IFT88: variants seen among roughly 807,000 people sequenced by gnomAD.
IFT88 encodes the protein intraflagellar transport 88.
IFT88 carries 74 observed loss-of-function variants against 119.5 expected under a neutral mutation model. The ratio of observed to expected loss-of-function variants is 0.62; its 90% CI spans 0.51 to 0.75. The LOEUF is 0.75. Ranked by LOEUF, IFT88 falls within the 30% of genes least tolerant of loss-of-function variation. The pLI, the probability that IFT88 is intolerant of heterozygous loss-of-function variation, is 0.00. For missense variants in IFT88, 961 were observed against 977.7 expected, an observed-to-expected ratio of 0.98 and a Z score of 0.23; for synonymous variants, 279 against 316.7, an observed-to-expected ratio of 0.88 and a Z score of 1.26.
Position 20,646,136 on chromosome 13 carries a change from C to T in IFT88, c.1949+1178C>T, listed in dbSNP as rs149302672. On this transcript the variant is annotated intron_variant, in intron 20 of 25. Coordinates refer to ENST00000351808, the MANE Select transcript of IFT88 (RefSeq NM_006531.5). ...ATGTTGATTAACAGTCAGTCCCTTA[C>T]CTTACCTAGTCTAGCTTATATTCTT... Among the ~76,000 whole-genome samples, 67 of 152,246 alleles carry T rather than the reference C, an allele frequency of 4.4e-4. No homozygotes were observed. The East Asian group carries it at 8.7e-3, about 20-fold the overall frequency.
rs763621830 is a variant in IFT88, at chr13:20,663,462, C to A, written c.2069-36C>A. ...TGAGCTTTTAACAAATATACTGTGCCTATATTCTTTCCTAAATGTATATTT... is the reference window on the plus strand; with the variant it reads ...TGAGCTTTTAACAAATATACTGTGCATATATTCTTTCCTAAATGTATATTT... On this transcript the variant is annotated intron_variant, in intron 22 of 25. Coordinates refer to ENST00000351808, the MANE Select transcript of IFT88 (RefSeq NM_006531.5). The A allele has an allele frequency of 5.0e-6, 8 of 1,601,074 alleles. No homozygotes were observed. In the Admixed American group the frequency reaches 5.0e-5, roughly 10 times the overall value.
intron 12 of IFT88, among the ~76,000 whole-genome samples, chr13:20,604,165 C>T (rs1264891255): frequency 6.6e-6 from 1 of 152,104 alleles, no homozygotes; most frequent in African/African-American, 2.4e-5. Flanking sequence ...GGCTTGAGCC[C>T]AGAAGTTGAG....
chr13:20,670,638 C>A (rs2055658990), intron 23 of IFT88, among the ~76,000 whole-genome samples: 1 of 151,170 alleles, frequency 6.6e-6, no homozygotes, highest in African/African-American at 2.4e-5. Context: ...CTCACCCATC[C>A]CTCCCTTAAA....
intron 13 of IFT88, among the ~76,000 whole-genome samples, 200 bp downstream of exon 13, chr13:20,605,305 T>G (rs1485854724): frequency 6.6e-6 from 1 of 152,244 alleles, no homozygotes; most frequent in Non-Finnish European, 1.5e-5. Context: ...TCACCATTTT[T>G]ATACTTACTG....
chr13:20,604,702 C>G (rs1259045311), intron 12 of IFT88, among the ~76,000 whole-genome samples: 1 of 152,168 alleles, frequency 6.6e-6, no homozygotes, highest in Non-Finnish European at 1.5e-5. Context: ...TGCCTATAGT[C>G]CCAATACTTT....
At chr13:20,583,832 A>G (rs2039157077) in intron 3 of IFT88, among the ~76,000 whole-genome samples, 1 of 152,162 alleles carries the variant, frequency 6.6e-6, no homozygotes, top group African/African-American at 2.4e-5. Context: ...GTCCAAATTC[A>G]TTATTTTGCA....
At chr13:20,576,088 T>C (rs2037329906) in intron 2 of IFT88, among the ~76,000 whole-genome samples, 1 of 152,264 alleles carries the variant, frequency 6.6e-6, no homozygotes, top group Admixed American at 6.5e-5. Flanking sequence ...GACATCTCGT[T>C]GTAGTTTTGA....
At chr13:20,641,474 TTAAC>T (rs2049953085) in intron 18 of IFT88, 76 bp downstream of exon 18, 4 of 846,526 alleles carry the variant, frequency 4.7e-6, no homozygotes, top group Non-Finnish European at 5.7e-6. Context: ...TTAAATAAGT[TTAAC>T]TAATGAAGTA....
intron 24 of IFT88, among the ~76,000 whole-genome samples, chr13:20,679,031 A>G (rs1185155574): frequency 6.6e-6 from 1 of 152,156 alleles, no homozygotes; most frequent in Non-Finnish European, 1.5e-5. Flanking sequence ...GGCTTGAAAT[A>G]CTTGTTTCTT....
At chr13:20,650,852 G>T (rs940610915) in intron 20 of IFT88, among the ~76,000 whole-genome samples, 3 of 152,238 alleles carry the variant, frequency 2.0e-5, no homozygotes, top group Non-Finnish European at 2.9e-5. Flanking sequence ...GAAAAAAATT[G>T]CATTTGCAAT....
chr13:20,612,440 G>A (rs2044729410), intron 13 of IFT88: 1 of 152,136 alleles, frequency 6.6e-6, no homozygotes, highest in African/African-American at 2.4e-5. Flanking sequence ...TAAATTTAAT[G>A]AAAGAAATGC....
chr13:20,660,378 A>G lies in IFT88; in HGVS notation c.2069-3120A>G, dbSNP rs376328269. Reference sequence around the variant, plus strand: ...TCACAGGCCTTAGGTCAGGGCTTCAAATTATATTTCTGGGGAGATGATGAG... The same window carrying G: ...TCACAGGCCTTAGGTCAGGGCTTCAGATTATATTTCTGGGGAGATGATGAG... On this transcript the variant is annotated intron_variant, in intron 22 of 25. Coordinates refer to ENST00000351808, the MANE Select transcript of IFT88 (RefSeq NM_006531.5). Among the ~76,000 whole-genome samples, 115 of 152,278 alleles carry G rather than the reference A, an allele frequency of 7.6e-4. 2 individuals are homozygous for G. In the South Asian group the frequency reaches 0.02, roughly 27 times the overall value.
chr13:20,665,216 C>T (rs1201942555), intron 23 of IFT88, among the ~76,000 whole-genome samples: 1 of 152,094 alleles, frequency 6.6e-6, no homozygotes, highest in African/African-American at 2.4e-5. Flanking sequence ...TGCCAGTTTT[C>T]CCCCAAAGTA....
chr13:20,647,340 C>G (rs556906327), intron 20 of IFT88, among the ~76,000 whole-genome samples: 3 of 152,104 alleles, frequency 2.0e-5, no homozygotes, highest in Non-Finnish European at 2.9e-5. Context: ...TAAGTTCTAC[C>G]TCTACAATAA....
chr13:20,577,537 A>G (rs1371144396), intron 2 of IFT88, among the ~76,000 whole-genome samples: 1 of 151,954 alleles, frequency 6.6e-6, no homozygotes, highest in Non-Finnish European at 1.5e-5. Context: ...TCTTCTATAC[A>G]CAGTTTTTTT....
At chr13:20,577,851 G>A (rs185011445) in intron 2 of IFT88, among the ~76,000 whole-genome samples, 1 of 152,116 alleles carries the variant, frequency 6.6e-6, no homozygotes, top group East Asian at 1.9e-4. Flanking sequence ...TTTGGTATCG[G>A]TAATACTGGC....
chr13:20,591,437 A>G (rs1342484668), intron 5 of IFT88, among the ~76,000 whole-genome samples, 181 bp from the exon 6 acceptor site: 2 of 152,204 alleles, frequency 1.3e-5, no homozygotes, highest in Admixed American at 1.3e-4. Context: ...AAGAATTGAA[A>G]TTGTAAAGGT....
At position 20,672,314 on chromosome 13, in the gene IFT88, G is replaced by A. The variant is rs187722869; in HGVS notation, c.2242+1275G>A. ...CCAGCGTCTCCAGCTAAACCTCATG[G>A]TGCTGGCCTGTTTATCTTCAGGAGC... On this transcript the variant is annotated intron_variant, in intron 24 of 25. Transcript: ENST00000351808. Among the ~76,000 whole-genome samples the A allele has an allele frequency of 1.1e-4, 17 of 152,262 alleles. No homozygotes were observed. In the East Asian group the frequency reaches 3.3e-3, roughly 29 times the overall value.
At chr13:20,644,780 T>G in intron 19 of IFT88, 63 bp from the exon 20 acceptor site, 1 of 732,584 alleles carries the variant, frequency 1.4e-6, no homozygotes, top group South Asian at 1.9e-5. Context: ...GGTAAAGTAT[T>G]CAAGAAGTAA....
Sources: allele counts gnomAD v4.1 joint callset (sites outside exome capture counted in the v4.1 genomes callset), GRCh38; gene constraint gnomAD v4.1.1; transcripts MANE v1.5; gene names NCBI Gene and HGNC (gene_info 2026-07-23, HGNC 2026-07-21).